Variants in RCAN2 observed in about 807,000 individuals in gnomAD.
The protein encoded by RCAN2 is regulator of calcineurin 2.
In RCAN2, 9 loss-of-function variants were observed where a neutral mutation model predicts 23.6. The ratio of observed to expected loss-of-function variants is 0.38; its 90% CI spans 0.23 to 0.67. The LOEUF is 0.67. RCAN2 is among the 30% of genes least tolerant of loss of function. The pLI, the probability that RCAN2 is intolerant of heterozygous loss-of-function variation, is 0.51. For missense variants in RCAN2, 273 were observed against 302.3 expected, an observed-to-expected ratio of 0.90 and a Z score of 0.72; for synonymous variants, 109 against 115.7, an observed-to-expected ratio of 0.94 and a Z score of 0.37.
At chr6:46,402,215 A>G (rs980216908) in intron 2 of RCAN2, among the ~76,000 whole-genome samples, 8 of 152,228 alleles carry the variant, frequency 5.3e-5, no homozygotes, top group Non-Finnish European at 1.0e-4. Flanking sequence ...CTGGGCACTT[A>G]TTATGTGCTG....
At chr6:46,381,296 C>G (rs1185749257) in intron 2 of RCAN2, among the ~76,000 whole-genome samples, 43 of 152,186 alleles carry the variant, frequency 2.8e-4, no homozygotes, top group Admixed American at 2.7e-3. Flanking sequence ...CACCTCTGCC[C>G]CATGCAACCT....
intron 2 of RCAN2, among the ~76,000 whole-genome samples, chr6:46,331,254 TC>T (rs1177591442): frequency 1.3e-5 from 2 of 152,156 alleles, no homozygotes; most frequent in African/African-American, 2.4e-5. Context: ...CAAGTGATCC[TC>T]CTGCCTCAGC....
intron 2 of RCAN2, among the ~76,000 whole-genome samples, chr6:46,359,861 A>T (rs892448304): frequency 5.9e-5 from 9 of 152,210 alleles, no homozygotes; most frequent in South Asian, 2.1e-4. Flanking sequence ...AGATGCTAGA[A>T]CCAAAGTTCA....
intron 2 of RCAN2, among the ~76,000 whole-genome samples, chr6:46,322,704 C>T (rs12110974): frequency 6.6e-6 from 1 of 152,216 alleles, no homozygotes; most frequent in African/African-American, 2.4e-5. Context: ...TGGATGTAAG[C>T]AGGTGAGACA....
chr6:46,251,925 TAGTCCA>T (rs1766740712), intron 2 of RCAN2, among the ~76,000 whole-genome samples: 1 of 152,122 alleles, frequency 6.6e-6, no homozygotes, highest in African/African-American at 2.4e-5. Context: ...ACCTGGGGTG[TAGTCCA>T]GAGCTCAGGC....
intron 2 of RCAN2, among the ~76,000 whole-genome samples, chr6:46,387,535 T>A (rs2150396623): frequency 1.3e-5 from 2 of 152,236 alleles, no homozygotes; most frequent in East Asian, 1.9e-4. Context: ...GAGAAATGCA[T>A]ATGAAAACCA....
chr6:46,306,113 T>C (rs1044465281), intron 2 of RCAN2, among the ~76,000 whole-genome samples: 23 of 152,108 alleles, frequency 1.5e-4, no homozygotes, highest in Admixed American at 9.2e-4. Context: ...TGCCTCTGAT[T>C]ACAGGGGATA....
chr6:46,481,902 A>C (rs1443069549), intron 1 of RCAN2, among the ~76,000 whole-genome samples: 1 of 152,190 alleles, frequency 6.6e-6, no homozygotes, highest in East Asian at 1.9e-4. Context: ...AGGATAAAGA[A>C]AGAGGTATAG....
At chr6:46,341,042 A>G (rs1200521459) in intron 2 of RCAN2, among the ~76,000 whole-genome samples, 1 of 152,224 alleles carries the variant, frequency 6.6e-6, no homozygotes, top group Non-Finnish European at 1.5e-5. Flanking sequence ...AAAATGAATG[A>G]GGTCAGAAAA....
intron 1 of RCAN2, among the ~76,000 whole-genome samples, chr6:46,488,665 A>G (rs1037005884): frequency 2.0e-5 from 3 of 152,220 alleles, no homozygotes; most frequent in East Asian, 3.9e-4. Context: ...TGGTTGTTCA[A>G]AATAAAAATT....
intron 2 of RCAN2, among the ~76,000 whole-genome samples, chr6:46,443,263 A>G (rs1251409410): frequency 2.0e-5 from 3 of 152,132 alleles, no homozygotes; most frequent in Admixed American, 2.0e-4. Flanking sequence ...TCCCACCCTC[A>G]AGTTCCTATA....
At chr6:46,387,946 C>T (rs1319081139) in intron 2 of RCAN2, among the ~76,000 whole-genome samples, 2 of 152,118 alleles carry the variant, frequency 1.3e-5, no homozygotes, top group African/African-American at 2.4e-5. Context: ...AGTTCATGTC[C>T]TTTGTAGGGA....
intron 2 of RCAN2, among the ~76,000 whole-genome samples, chr6:46,363,943 C>T (rs1765093146): frequency 6.6e-6 from 1 of 152,130 alleles, no homozygotes; most frequent in African/African-American, 2.4e-5. Context: ...TTGGTTAATG[C>T]ATGCAAAACT....
At chr6:46,442,570 A>T (rs1767580648) in intron 2 of RCAN2, among the ~76,000 whole-genome samples, 1 of 152,212 alleles carries the variant, frequency 6.6e-6, no homozygotes, top group South Asian at 2.1e-4. Flanking sequence ...AACCATATGA[A>T]GTGGGTTCCA....
At chr6:46,426,058 C>T (rs2150414567) in intron 2 of RCAN2, among the ~76,000 whole-genome samples, 1 of 151,998 alleles carries the variant, frequency 6.6e-6, no homozygotes, top group Non-Finnish European at 1.5e-5. Flanking sequence ...ACCACCATGC[C>T]CAGCTAATTT....
chr6:46,414,412 T>C (rs1766642210), intron 2 of RCAN2, among the ~76,000 whole-genome samples: 1 of 152,156 alleles, frequency 6.6e-6, no homozygotes, highest in African/African-American at 2.4e-5. Flanking sequence ...TTCTTAGAAG[T>C]TGGGTCATTT....
intron 1 of RCAN2, among the ~76,000 whole-genome samples, chr6:46,469,995 T>C (rs1768513956): frequency 6.6e-6 from 1 of 152,210 alleles, no homozygotes; most frequent in Non-Finnish European, 1.5e-5. Context: ...TGGACTTCCT[T>C]GATCTTGGAC....
At chr6:46,355,645 G>A (rs1764806913) in intron 2 of RCAN2, among the ~76,000 whole-genome samples, 1 of 152,200 alleles carries the variant, frequency 6.6e-6, no homozygotes, top group African/African-American at 2.4e-5. Flanking sequence ...AAAGTGGCCA[G>A]TCTTTAATGG....
At chr6:46,267,499 AG>A (rs1386720626) in intron 2 of RCAN2, among the ~76,000 whole-genome samples, 1 of 152,146 alleles carries the variant, frequency 6.6e-6, no homozygotes, top group African/African-American at 2.4e-5. Context: ...TAAGCAACAT[AG>A]GAAGACCCCA....
Sources: allele counts gnomAD v4.1 joint callset (sites outside exome capture counted in the v4.1 genomes callset), GRCh38; gene constraint gnomAD v4.1.1; transcripts MANE v1.5; gene names NCBI Gene and HGNC (gene_info 2026-07-23, HGNC 2026-07-21).